CDR2: variants seen among roughly 807,000 people sequenced by gnomAD.
CDR2 encodes the protein cerebellar degeneration-related protein 2.
CDR2 carries 34 observed loss-of-function variants against 48.4 expected under a neutral mutation model. The ratio of observed to expected loss-of-function variants is 0.70; its 90% CI spans 0.53 to 0.94. The LOEUF is 0.94. Ranked by LOEUF, CDR2 falls within the 40% of genes least tolerant of loss-of-function variation. The pLI is 0.00. For synonymous variants in CDR2, 240 were observed against 219.7 expected, an observed-to-expected ratio of 1.09 and a Z score of -0.82; for missense variants, 498 against 549.5, an observed-to-expected ratio of 0.91 and a Z score of 0.94.
At chr16:22,359,786 A>T (rs2048999768) in intron 2 of CDR2, among the ~76,000 whole-genome samples, 1 of 152,140 alleles carries the variant, frequency 6.6e-6, no homozygotes, top group Non-Finnish European at 1.5e-5. Context: ...AAAGTTTAGG[A>T]GTTATTAGAA....
chr16:22,371,510 C>T (rs2049075906), intron 1 of CDR2, among the ~76,000 whole-genome samples: 1 of 152,206 alleles, frequency 6.6e-6, no homozygotes, highest in Non-Finnish European at 1.5e-5. Context: ...CCTATCCACT[C>T]ATGTGGGGAG....
chr16:22,347,717 A>G lies in CDR2; in HGVS notation c.613T>C (p.Leu205=), dbSNP rs2048916664. 1 of 1,613,916 alleles carries G rather than the reference A, an allele frequency of 6.2e-7. No individual in the cohort carries two copies. Among genetic ancestry groups the G allele is most frequent in the Non-Finnish European group, 8.5e-7 (1 of 1,180,032 alleles). The change falls in exon 5 of 5, where the codon TTG becomes CTG. Residue 205 remains leucine, a synonymous_variant. Transcript: ENST00000268383. ...CGCTCCAGGCTCAGCTGGGCCTGCA[A>G]CATTGTCACTGTTTTTTTCAAGTGC... ...NEHLKKTVTM[L]QAQLSLERQK... is the part of the protein sequence containing the mutation.
chr16:22,370,245 C>G (rs2049067270), intron 1 of CDR2, among the ~76,000 whole-genome samples: 1 of 152,102 alleles, frequency 6.6e-6, no homozygotes, highest in Admixed American at 6.6e-5. Context: ...CTGTTTAACT[C>G]CTGTTGCCAA....
intron 1 of CDR2, among the ~76,000 whole-genome samples, chr16:22,373,740 AC>A (rs2049094402): frequency 6.6e-6 from 1 of 152,232 alleles, no homozygotes; most frequent in African/African-American, 2.4e-5. Context: ...TTAAAAAGTT[AC>A]TGTCTCCTGG....
chr16:22,374,352 C>A lies in CDR2; in HGVS notation c.-43G>T. ...GGGGCAGCGGCCCCCGCCGCCGTCCCGCCTCAGCCGCTGCCCCGGGCTCTT... is the reference window on the plus strand; with the variant it reads ...GGGGCAGCGGCCCCCGCCGCCGTCCAGCCTCAGCCGCTGCCCCGGGCTCTT... On this transcript the variant is annotated 5_prime_UTR_variant, in exon 1 of 5. Transcript: ENST00000268383. The A allele has an allele frequency of 7.1e-7, 1 of 1,401,902 alleles. No individual in the cohort carries two copies. Among genetic ancestry groups the A allele is most frequent in the Non-Finnish European group, 9.9e-7 (1 of 1,007,410 alleles). 86.8% of individuals were successfully genotyped at this position (1,401,902 alleles called of 1,614,324 possible).
intron 4 of CDR2, 112 bp from the exon 5 acceptor site, chr16:22,347,935 TAA>T: frequency 9.4e-7 from 1 of 1,061,090 alleles, no homozygotes; most frequent in Non-Finnish European, 1.3e-6. Context: ...TGACAGTGAC[TAA>T]TTTTTTTTTC....
At chr16:22,366,197 T>C (rs1427429281) in intron 1 of CDR2, among the ~76,000 whole-genome samples, 1 of 152,152 alleles carries the variant, frequency 6.6e-6, no homozygotes, top group Non-Finnish European at 1.5e-5. Context: ...GCCAGACAAA[T>C]GAGTAACTAA....
At chr16:22,360,888 T>C (rs1488170319) in intron 2 of CDR2, among the ~76,000 whole-genome samples, 1 of 151,898 alleles carries the variant, frequency 6.6e-6, no homozygotes, top group African/African-American at 2.4e-5. Flanking sequence ...TAGCTGGGAT[T>C]ACAGGGATGC....
At chr16:22,355,590 A>G (rs1052263201) in intron 2 of CDR2, among the ~76,000 whole-genome samples, 3 of 152,246 alleles carry the variant, frequency 2.0e-5, no homozygotes, top group Admixed American at 6.5e-5. Context: ...CCAACAAACC[A>G]AACCAAAATG....
At position 22,346,754 on chromosome 16, in the gene CDR2, T is replaced by C. The variant is rs1662873120; in HGVS notation, c.*211A>G. ...GCGCCAGCCAGAGGCCAGTTTGTCA[T>C]GGGATTTCCTGGGGAGCTTAAATGG... On this transcript the variant is annotated 3_prime_UTR_variant, in exon 5 of 5. Coordinates refer to ENST00000268383, the MANE Select transcript of CDR2 (RefSeq NM_001802.2). The C allele has an allele frequency of 1.7e-6, 1 of 596,564 alleles. No homozygotes were observed. The highest frequency in any genetic ancestry group is 2.9e-5 in the Admixed American group (1 of 34,748). The allele number at this position is 596,564 out of a possible 1,614,324, so 37.0% of individuals were successfully genotyped here.
At chr16:22,355,359 G>A (rs2048968430) in intron 2 of CDR2, among the ~76,000 whole-genome samples, 1 of 152,330 alleles carries the variant, frequency 6.6e-6, no homozygotes, top group Admixed American at 6.5e-5. Context: ...CCGGGGGGAT[G>A]CAGTTCTCCT....
At chr16:22,355,042 T>A (rs1030294052) in intron 2 of CDR2, among the ~76,000 whole-genome samples, 15 of 152,206 alleles carry the variant, frequency 9.9e-5, no homozygotes, top group African/African-American at 3.6e-4. Flanking sequence ...TCTACTCTCC[T>A]ACTTTCCTCG....
At chr16:22,365,759 T>G (rs1322607048) in intron 1 of CDR2, among the ~76,000 whole-genome samples, 1 of 152,228 alleles carries the variant, frequency 6.6e-6, no homozygotes, top group Non-Finnish European at 1.5e-5. Flanking sequence ...AATGAAAATT[T>G]AGTTAACAAT....
intron 2 of CDR2, among the ~76,000 whole-genome samples, chr16:22,357,590 G>A (rs61324392): frequency 2.0e-5 from 3 of 152,106 alleles, no homozygotes; most frequent in South Asian, 2.1e-4. Flanking sequence ...TTCTCTCCCC[G>A]CTTTTCCATT....
intron 1 of CDR2, chr16:22,369,106 T>C (rs1226789976): frequency 2.6e-5 from 4 of 152,070 alleles, no homozygotes; most frequent in East Asian, 1.9e-4. Context: ...AATTCCTCAC[T>C]GGGAAGGCTC....
chr16:22,372,819 G>A (rs1183991515), intron 1 of CDR2, among the ~76,000 whole-genome samples: 1 of 152,200 alleles, frequency 6.6e-6, no homozygotes, highest in Non-Finnish European at 1.5e-5. Flanking sequence ...TCCTCCAAAA[G>A]AGGTGCTCAT....
intron 1 of CDR2, among the ~76,000 whole-genome samples, chr16:22,367,512 A>C (rs1337198768): frequency 6.6e-6 from 1 of 152,194 alleles, no homozygotes; most frequent in Non-Finnish European, 1.5e-5. Context: ...TAAAGTTTAA[A>C]TTTTATTCTA....
At chr16:22,364,086 C>T (rs1012261352) in intron 2 of CDR2, among the ~76,000 whole-genome samples, 1 of 152,116 alleles carries the variant, frequency 6.6e-6, no homozygotes, top group Non-Finnish European at 1.5e-5. Flanking sequence ...ACTACAGGCA[C>T]ACGCCACCAC....
chr16:22,371,158 C>G (rs1207503568), intron 1 of CDR2, among the ~76,000 whole-genome samples: 1 of 151,942 alleles, frequency 6.6e-6, no homozygotes, highest in Non-Finnish European at 1.5e-5. Context: ...TTGCAGTGAG[C>G]CAAGAGCGTG....
Sources: allele counts gnomAD v4.1 joint callset (sites outside exome capture counted in the v4.1 genomes callset), GRCh38; gene constraint gnomAD v4.1.1; transcripts MANE v1.5; gene names NCBI Gene and HGNC (gene_info 2026-07-23, HGNC 2026-07-21).